DNAJC12: variants seen among roughly 807,000 people sequenced by gnomAD.
The protein encoded by DNAJC12 is DnaJ heat shock protein family (Hsp40) member C12, also known as dnaJ homolog subfamily C member 12.
In DNAJC12, 25 loss-of-function variants were observed where a neutral mutation model predicts 28.5. The observed-to-expected ratio is 0.88, with a 90% CI of 0.64 to 1.22. DNAJC12 has a LOEUF of 1.22. Ranked by LOEUF, DNAJC12 falls within the 50% of genes most tolerant of loss-of-function variation. DNAJC12 has a pLI of 0.00. For synonymous variants in DNAJC12, 77 were observed against 80.6 expected, an observed-to-expected ratio of 0.95 and a Z score of 0.24; for missense variants, 222 against 231.7, an observed-to-expected ratio of 0.96 and a Z score of 0.27.
intron 1 of DNAJC12, among the ~76,000 whole-genome samples, chr10:67,826,789 TTAGATATCAGATATATAATGATA>T (rs1842038834): frequency 9.0e-6 from 1 of 110,950 alleles, no homozygotes; most frequent in Admixed American, 1.1e-4. Flanking sequence ...ATATATATCA[TTAGATATCAGATATATAATGATA>T]TATATAATAT....
At chr10:67,829,177 A>T (rs926714167) in intron 1 of DNAJC12, among the ~76,000 whole-genome samples, 8 of 152,114 alleles carry the variant, frequency 5.3e-5, no homozygotes, top group African/African-American at 1.9e-4. Context: ...AGAAAGATGG[A>T]TGGGAACAGA....
At chr10:67,835,696 C>CA (rs1299549605) in intron 1 of DNAJC12, among the ~76,000 whole-genome samples, 46 of 128,904 alleles carry the variant, frequency 3.6e-4, no homozygotes, top group Non-Finnish European at 6.0e-4. Flanking sequence ...CTCAAAAAAA[C>CA]AAAAAAAAGA....
intron 1 of DNAJC12, chr10:67,825,337 C>T (rs1306687191): frequency 6.6e-6 from 1 of 152,256 alleles, no homozygotes; most frequent in Non-Finnish European, 1.5e-5. Context: ...GTTGCCCAGG[C>T]TGAAGTGCAG....
intron 4 of DNAJC12, 41 bp from the exon 5 acceptor site, chr10:67,797,251 G>A: frequency 6.4e-7 from 1 of 1,556,204 alleles, no homozygotes. Flanking sequence ...TCAGAAGTAG[G>A]AAAAGTCGAT....
chr10:67,805,431 C>T (rs1036388563), intron 4 of DNAJC12, 152 bp downstream of exon 4: 20 of 788,054 alleles, frequency 2.5e-5, no homozygotes, highest in East Asian at 1.0e-4. Flanking sequence ...CTTCTAGTTT[C>T]GGTGTCAATG....
intron 2 of DNAJC12, among the ~76,000 whole-genome samples, chr10:67,813,117 G>A (rs975946614): frequency 6.6e-6 from 1 of 152,164 alleles, no homozygotes; most frequent in Non-Finnish European, 1.5e-5. Context: ...GATCATGAGG[G>A]TGGAACCCTC....
intron 2 of DNAJC12, among the ~76,000 whole-genome samples, chr10:67,819,736 A>C (rs1209530389): frequency 4.4e-5 from 1 of 22,550 alleles, no homozygotes; most frequent in Admixed American, 4.7e-4. Context: ...GGAAGGAAGG[A>C]AGGAAGGAAG....
chr10:67,799,458 A>G (rs1033927406), intron 4 of DNAJC12, among the ~76,000 whole-genome samples: 24 of 152,236 alleles, frequency 1.6e-4, no homozygotes, highest in Non-Finnish European at 1.5e-5. Flanking sequence ...ACTAACACAA[A>G]TGAAAATATA....
At position 67,833,443 on chromosome 10, in the gene DNAJC12, CTCTCTCTCTCTCTCTCTG is replaced by C. The variant is rs1351179071; in HGVS notation, c.78+4473_78+4490del. 4.0e-3 allele frequency among the ~76,000 whole-genome samples: 473 copies of C among 117,828 alleles called. 5 individuals carry two copies. Among genetic ancestry groups the C allele is most frequent in the African/African-American group, 0.013 (451 of 35,362 alleles). 77.3% of individuals were successfully genotyped at this position (117,828 alleles called of 152,430 possible). The stretch of plus-strand genomic sequence containing the variant: ...ATCCTCTCTCTCTCCCTCTCCCTCT[CTCTCTCTCTCTCTCTCTG>C]TCTCTCTCAAATTTCTGTACATGCG... On this transcript the variant is annotated intron_variant, in intron 1 of 4. Transcript: ENST00000225171.
At chr10:67,832,190 G>A (rs1303808024) in intron 1 of DNAJC12, among the ~76,000 whole-genome samples, 2 of 151,456 alleles carry the variant, frequency 1.3e-5, no homozygotes, top group South Asian at 2.1e-4. Context: ...GCTTGAACCC[G>A]GGAGGCGAAG....
intron 1 of DNAJC12, among the ~76,000 whole-genome samples, chr10:67,835,172 G>C (rs929066732): frequency 2.6e-5 from 4 of 151,980 alleles, no homozygotes; most frequent in Admixed American, 1.3e-4. Flanking sequence ...GTATTATGTG[G>C]GTGTCTCAAT....
chr10:67,802,640 C>T (rs934831393), intron 4 of DNAJC12, among the ~76,000 whole-genome samples: 5 of 151,874 alleles, frequency 3.3e-5, no homozygotes, highest in Non-Finnish European at 5.9e-5. Context: ...CATAGAGATT[C>T]GAATCTATAT....
chr10:67,804,569 G>A (rs1841780209), intron 4 of DNAJC12, among the ~76,000 whole-genome samples: 1 of 152,196 alleles, frequency 6.6e-6, no homozygotes, highest in African/African-American at 2.4e-5. Context: ...TGCAGAAACT[G>A]AGGTCTAGAG....
intron 1 of DNAJC12, among the ~76,000 whole-genome samples, chr10:67,826,930 TC>T (rs1303533625): frequency 3.0e-5 from 4 of 131,502 alleles, no homozygotes; most frequent in Non-Finnish European, 3.2e-5. Context: ...AATATATATA[TC>T]ATGATATATA....
At chr10:67,812,857 A>T (rs1313086677) in intron 2 of DNAJC12, among the ~76,000 whole-genome samples, 1 of 151,554 alleles carries the variant, frequency 6.6e-6, no homozygotes, top group African/African-American at 2.4e-5. Context: ...ATCTCAAAAA[A>T]AAAAAACAAA....
At chr10:67,816,825 G>A (rs1841921529) in intron 2 of DNAJC12, among the ~76,000 whole-genome samples, 1 of 152,120 alleles carries the variant, frequency 6.6e-6, no homozygotes, top group Non-Finnish European at 1.5e-5. Context: ...GGGATTATAG[G>A]TGTGAGCCAT....
chr10:67,829,281 C>T (rs1165397361), intron 1 of DNAJC12, among the ~76,000 whole-genome samples: 1 of 152,128 alleles, frequency 6.6e-6, no homozygotes, highest in African/African-American at 2.4e-5. Context: ...CTTAGAAACT[C>T]TTAGTCTGTA....
chr10:67,817,453 A>G (rs116667743), intron 2 of DNAJC12, among the ~76,000 whole-genome samples: 3,447 of 152,328 alleles, frequency 0.023, 140 homozygotes, highest in African/African-American at 0.079. Flanking sequence ...GTATAGATAT[A>G]AGTTTAATTT....
intron 1 of DNAJC12, chr10:67,834,143 C>G (rs1013166148): frequency 2.5e-6 from 1 of 397,358 alleles, no homozygotes; most frequent in East Asian, 7.4e-5. Context: ...GAGTACCAAG[C>G]TTTTATAATA....
Sources: allele counts gnomAD v4.1 joint callset (sites outside exome capture counted in the v4.1 genomes callset), GRCh38; gene constraint gnomAD v4.1.1; transcripts MANE v1.5; gene names NCBI Gene and HGNC (gene_info 2026-07-23, HGNC 2026-07-21).